DGKK: variants seen among roughly 807,000 people sequenced by gnomAD.
The protein encoded by DGKK is 142 kDa diacylglycerol kinase.
A neutral mutation model predicts 92.2 loss-of-function variants in DGKK; 35 were observed. That is an observed-to-expected ratio of 0.38 (90% CI 0.29 to 0.50). The LOEUF (loss-of-function observed/expected upper bound fraction) is 0.50. Ranked by LOEUF, DGKK falls within the 20% of genes least tolerant of loss-of-function variation. DGKK has a pLI of 0.92. For missense variants in DGKK, 910 were observed against 992.2 expected (o/e 0.92, Z 1.11); for synonymous variants, 368 against 360.6 (o/e 1.02, Z -0.23).
intron 1 of DGKK, among the ~76,000 whole-genome samples, chrX:50,445,319 A>T (rs1223790419): frequency 1.8e-5 from 2 of 110,143 alleles, no homozygotes; most frequent in African/African-American, 6.6e-5. Flanking sequence ...CTTTTGTTGC[A>T]ATTGTGTTTG....
In DGKK at chrX:50,392,331, A is replaced by G. The variant is rs1049628314; in HGVS notation, c.1704+10T>C. ...TAGCAATGGCTAAACTGAGTCATCC[A>G]GGGACTTACCTTTTCATGTAATCCA... is the stretch of plus-strand genomic sequence containing the variant. On this transcript the variant is annotated intron_variant, in intron 10 of 27. Transcript: ENST00000611977. 2 of 1,184,725 alleles carry G rather than the reference A, an allele frequency of 1.7e-6. No individual in the cohort carries two copies. The highest frequency in any genetic ancestry group is 2.2e-5 in the Admixed American group (1 of 45,822).
At chrX:50,388,847 A>C (rs1395226335) in intron 12 of DGKK, among the ~76,000 whole-genome samples, 3 of 112,238 alleles carry the variant, frequency 2.7e-5, no homozygotes, top group African/African-American at 6.5e-5. Context: ...CTTAATAATC[A>C]AAACCTCATA....
chrX:50,375,028 A>G lies in DGKK; in HGVS notation c.3444T>C (p.Val1148=). ...ETLSRNDAVD[V]TFSLKGLYDD... ...CGTAGAGACCTTTAAGACTAAATGT[A>G]ACATCTACGGCATCATTTCTGCTTA... The change falls in exon 25 of 28, where the codon GTT becomes GTC. Residue 1148 remains valine (V), a synonymous_variant. Transcript: ENST00000611977. 1 of 1,208,261 alleles carries G rather than the reference A, an allele frequency of 8.3e-7. No homozygotes were observed. The highest frequency in any genetic ancestry group is 1.1e-6 in the Non-Finnish European group (1 of 892,966).
At chrX:50,371,072 TTCTC>T (rs1458618898) in intron 26 of DGKK, among the ~76,000 whole-genome samples, 7 of 112,322 alleles carry the variant, frequency 6.2e-5, no homozygotes, top group African/African-American at 2.3e-4. Flanking sequence ...GCAAAGAGAG[TTCTC>T]TAAACATAAC....
intron 15 of DGKK, 97 bp downstream of exon 15, chrX:50,386,261 A>G: frequency 1.7e-6 from 1 of 586,515 alleles, no homozygotes; most frequent in Non-Finnish European, 2.8e-6. Flanking sequence ...TTTGTAGCAG[A>G]GTCAGAGAGC....
Position 50,390,292 on chromosome X carries a change from A to G in DGKK, c.1926+36T>C, listed in dbSNP as rs782171183. On this transcript the variant is annotated intron_variant, in intron 12 of 27. Coordinates refer to ENST00000611977, the MANE Select transcript of DGKK (RefSeq NM_001013742.4). ...TGCCAATTATTTCACTGAGTAATAA[A>G]GATATTGGTCTGAATTACAGCTGAA... The G allele has an allele frequency of 1.0e-5, 12 of 1,167,519 alleles. No homozygotes were observed. In the Admixed American group the frequency reaches 2.0e-4, roughly 19 times the overall value.
chrX:50,424,094 A>G (rs1476960061), intron 2 of DGKK, among the ~76,000 whole-genome samples, 154 bp downstream of exon 2: 1 of 111,270 alleles, frequency 9.0e-6, no homozygotes, highest in Non-Finnish European at 1.9e-5. Flanking sequence ...AAGTATCCCC[A>G]TTTGACCCAA....
intron 20 of DGKK, 115 bp from the exon 21 acceptor site, chrX:50,378,806 G>A (rs1557224123): frequency 1.9e-6 from 1 of 532,209 alleles, no homozygotes; most frequent in African/African-American, 2.4e-5. Flanking sequence ...ATGAAGAGTG[G>A]AAACACTTCA....
At position 50,424,832 on chromosome X, in the gene DGKK, G is replaced by T. The variant is rs6614320; in HGVS notation, c.646-474C>A. ...CTTCCTTGTTCGCAAGCCTCCAATA[G>T]CTTCTCAACACGTTTAGAGCCAAAT... On this transcript the variant is annotated intron_variant, in intron 1 of 27. Coordinates refer to ENST00000611977, the MANE Select transcript of DGKK (RefSeq NM_001013742.4). Among the ~76,000 whole-genome samples the T allele has an allele frequency of 9.3e-3, 1,031 of 111,307 alleles. 8 individuals are homozygous for T. Among genetic ancestry groups the T allele is most frequent in the African/African-American group, 0.032 (988 of 30,644 alleles).
At chrX:50,389,757 G>A (rs1198438889) in intron 12 of DGKK, among the ~76,000 whole-genome samples, 2 of 110,787 alleles carry the variant, frequency 1.8e-5, no homozygotes, top group Non-Finnish European at 1.9e-5. Flanking sequence ...CATTATGAAT[G>A]TACTTCAGTT....
chrX:50,439,893 G>A (rs1455032744), intron 1 of DGKK, among the ~76,000 whole-genome samples: 6 of 111,172 alleles, frequency 5.4e-5, no homozygotes, highest in Non-Finnish European at 9.5e-5. Context: ...TACATCAGAA[G>A]GGCTTCTGAT....
At chrX:50,412,302 A>G (rs1557228046) in intron 4 of DGKK, among the ~76,000 whole-genome samples, 1 of 112,547 alleles carries the variant, frequency 8.9e-6, no homozygotes, top group Non-Finnish European at 1.9e-5. Context: ...CAATTAAAAA[A>G]TGGAAGAAAA....
chrX:50,394,564 A>AT (rs1602275497), intron 8 of DGKK, among the ~76,000 whole-genome samples: 1 of 111,706 alleles, frequency 9.0e-6, no homozygotes, highest in African/African-American at 3.3e-5. Context: ...CCCTTCCAAC[A>AT]TTTTTTTACT....
chrX:50,401,241 T>G, intron 7 of DGKK, 102 bp from the exon 8 acceptor site: 1 of 754,617 alleles, frequency 1.3e-6, no homozygotes, highest in Non-Finnish European at 2.0e-6. Flanking sequence ...ATTCTTAGTA[T>G]TTAATCTCCC....
In DGKK at chrX:50,391,448, C is replaced by T; in HGVS notation, c.1833G>A (p.Arg611=). 8.3e-7 allele frequency: 1 copy of T among 1,211,184 alleles called. No individual in the cohort carries two copies. Among genetic ancestry groups the T allele is most frequent in the Admixed American group, 2.2e-5 (1 of 46,035 alleles). Residue 611 remains arginine, a synonymous_variant, in exon 11 of 28, where the codon AGG becomes AGA. Coordinates refer to ENST00000611977, the MANE Select transcript of DGKK (RefSeq NM_001013742.4). ...ILNRVEQASV[R]ILDRWSVMIR... ...TTTCAGCCACTTACCTGTCTAGGAT[C>T]CTCACACTAGCCTGCTCCACTCTGT... is the stretch of plus-strand genomic sequence containing the variant.
chrX:50,429,466 A>G (rs1184135463), intron 1 of DGKK, among the ~76,000 whole-genome samples: 1 of 111,900 alleles, frequency 8.9e-6, no homozygotes, highest in Non-Finnish European at 1.9e-5. Flanking sequence ...CGGGCGGATC[A>G]CGAGGTCAGG....
At chrX:50,407,479 G>A (rs187136085) in intron 4 of DGKK, among the ~76,000 whole-genome samples, 1,598 of 110,262 alleles carry the variant, frequency 0.014, 26 homozygotes, top group African/African-American at 0.05. Flanking sequence ...TGCATGCAGA[G>A]AGAGAGAGAG....
chrX:50,424,687 G>C (rs1315766489), intron 1 of DGKK, among the ~76,000 whole-genome samples: 1 of 112,000 alleles, frequency 8.9e-6, no homozygotes, highest in African/African-American at 3.2e-5. Flanking sequence ...AGAATGCGTG[G>C]TAGAGGAAAA....
intron 3 of DGKK, among the ~76,000 whole-genome samples, chrX:50,422,052 T>A (rs1281347858): frequency 8.9e-6 from 1 of 111,976 alleles, no homozygotes; most frequent in East Asian, 2.8e-4. Flanking sequence ...TAGATTTCAC[T>A]TTGAATTAGG....
Sources: allele counts gnomAD v4.1 joint callset (sites outside exome capture counted in the v4.1 genomes callset), GRCh38; gene constraint gnomAD v4.1.1; transcripts MANE v1.5; gene names NCBI Gene and HGNC (gene_info 2026-07-23, HGNC 2026-07-21).